STIL: variants seen among roughly 807,000 people sequenced by gnomAD.
STIL encodes SCL-interrupting locus protein.
STIL carries 55 observed loss-of-function variants against 110.1 expected under a neutral mutation model. The ratio of observed to expected loss-of-function variants is 0.50; its 90% CI spans 0.40 to 0.63. The LOEUF (loss-of-function observed/expected upper bound fraction) is 0.63, where lower values mean the gene tolerates loss of function less well. Among genes scored for constraint, STIL ranks in the 20% least tolerant of loss-of-function variants. The pLI is 0.00. For missense variants in STIL, 1,358 were observed against 1,530.0 expected (o/e 0.89, Z 1.87); for synonymous variants, 481 against 530.0 (o/e 0.91, Z 1.27).
chr1:47,291,956 A>C (rs1645502997), intron 8 of STIL, among the ~76,000 whole-genome samples: 1 of 151,906 alleles, frequency 6.6e-6, no homozygotes, highest in South Asian at 2.1e-4. Flanking sequence ...TCCTGGGCTC[A>C]AGCGATCTTC....
chr1:47,314,531 G>A (rs1646232590), upstream of STIL, among the ~76,000 whole-genome samples: 1 of 152,158 alleles, frequency 6.6e-6, no homozygotes, highest in Non-Finnish European at 1.5e-5. Flanking sequence ...GACTGGAAGC[G>A]GACACCCGAA....
intron 14 of STIL, among the ~76,000 whole-genome samples, chr1:47,263,483 C>A (rs1161924328): frequency 1.3e-5 from 2 of 152,192 alleles, no homozygotes; most frequent in Admixed American, 6.5e-5. Flanking sequence ...TTCGAGGCTG[C>A]AGTGAGCTAT....
chr1:47,251,846 C>T lies in STIL; in HGVS notation c.3157G>A (p.Gly1053Ser), dbSNP rs201354921. Residue 1053 changes from glycine (G) to serine (S), a missense_variant, in exon 17 of 17, where the codon GGC (glycine) becomes AGC (serine). Transcript: ENST00000371877. The stretch of plus-strand genomic sequence containing the variant: ...AAATCCACACCATTGGGGCTTAAGC[C>T]GCTCATGCCAACATTAGCAAATGAC... The part of the protein sequence containing the change: ...CMSFANVGMS[G>S]LSPNGVDLSM... The T allele has an allele frequency of 9.7e-5, 156 of 1,607,482 alleles. No homozygotes were observed. Among genetic ancestry groups the T allele is most frequent in the South Asian group, 1.7e-4 (15 of 89,668 alleles).
At chr1:47,261,345 G>A (rs1314869988) in intron 15 of STIL, among the ~76,000 whole-genome samples, 1 of 151,588 alleles carries the variant, frequency 6.6e-6, no homozygotes, top group African/African-American at 2.4e-5. Flanking sequence ...CTGAGATGGC[G>A]CCACTGTACT....
intron 6 of STIL, among the ~76,000 whole-genome samples, chr1:47,297,333 G>C (rs1041967514): frequency 1.5e-5 from 2 of 130,610 alleles, no homozygotes; most frequent in African/African-American, 5.2e-5. Context: ...AACAGAGCAA[G>C]ACTCCATCTC....
chr1:47,277,183 G>C (rs1254636523), intron 12 of STIL, among the ~76,000 whole-genome samples: 1 of 152,204 alleles, frequency 6.6e-6, no homozygotes, highest in Middle Eastern at 3.4e-3. Context: ...GGTCCAAGGA[G>C]GAATATTTCA....
Position 47,260,246 on chromosome 1 carries a change from A to C in STIL, c.3080+43T>G, listed in dbSNP as rs1047487640. On this transcript the variant is annotated intron_variant, in intron 16 of 16. Coordinates refer to ENST00000371877, the MANE Select transcript of STIL (RefSeq NM_001048166.1). ...CAAAAATAAATAAAAATTTTTAAAA[A>C]ATAAAATTTATTCACTCTTTAAAAC... is the stretch of plus-strand genomic sequence containing the variant. The C allele has an allele frequency of 2.6e-6, 4 of 1,543,328 alleles. No homozygotes were observed. The African/African-American group carries it at 5.6e-5, about 22-fold the overall frequency.
intron 3 of STIL, among the ~76,000 whole-genome samples, chr1:47,303,805 T>C (rs12032890): frequency 0.065 from 9,884 of 152,270 alleles, 569 homozygotes; most frequent in East Asian, 0.3. Flanking sequence ...TTCTTTCTTG[T>C]ATCTTTCCTT....
At chr1:47,305,395 G>C (rs768268862) in intron 2 of STIL, 23 of 186,956 alleles carry the variant, frequency 1.2e-4, no homozygotes, top group Middle Eastern at 2.5e-3. Context: ...AAAGTGCTAG[G>C]ATTACAGGCA....
intron 3 of STIL, among the ~76,000 whole-genome samples, chr1:47,303,231 G>C (rs1308037900): frequency 6.6e-6 from 1 of 152,132 alleles, no homozygotes; most frequent in African/African-American, 2.4e-5. Flanking sequence ...TATACTATAA[G>C]TATCCTCTCA....
chr1:47,311,642 A>C (rs1192347859), intron 1 of STIL, among the ~76,000 whole-genome samples: 1 of 152,182 alleles, frequency 6.6e-6, no homozygotes. Flanking sequence ...AGTATTATTG[A>C]AGCTAAACAC....
chr1:47,268,596 A>G (rs1045096767), intron 14 of STIL, among the ~76,000 whole-genome samples: 2 of 152,028 alleles, frequency 1.3e-5, no homozygotes, highest in African/African-American at 4.8e-5. Flanking sequence ...CTCTAAAAAA[A>G]ATACAAACAA....
chr1:47,309,100 C>G (rs548244341), intron 2 of STIL, among the ~76,000 whole-genome samples: 1 of 151,846 alleles, frequency 6.6e-6, no homozygotes, highest in Non-Finnish European at 1.5e-5. Flanking sequence ...GTTGGATTGT[C>G]TCTAACACAA....
chr1:47,278,635 A>G (rs1042654126), intron 12 of STIL, among the ~76,000 whole-genome samples: 1 of 152,040 alleles, frequency 6.6e-6, no homozygotes, highest in Non-Finnish European at 1.5e-5. Flanking sequence ...GTATATTCAA[A>G]TTTTTGCTAA....
intron 13 of STIL, among the ~76,000 whole-genome samples, chr1:47,270,108 G>A (rs1644775696): frequency 6.6e-6 from 1 of 151,656 alleles, no homozygotes; most frequent in Non-Finnish European, 1.5e-5. Flanking sequence ...AGGTGTGGTG[G>A]TGTGCCTGTA....
chr1:47,299,668 C>A, intron 6 of STIL: 1 of 439,642 alleles, frequency 2.3e-6, no homozygotes, highest in East Asian at 4.8e-5. Flanking sequence ...ACTGGGATTA[C>A]AGGTGTGAGC....
At chr1:47,300,446 A>G (rs1645770763) in intron 5 of STIL, among the ~76,000 whole-genome samples, 1 of 151,262 alleles carries the variant, frequency 6.6e-6, no homozygotes, top group African/African-American at 2.4e-5. Context: ...AATATTTACC[A>G]CATGGGAAAA....
chr1:47,282,202 A>G (rs955765898), intron 11 of STIL, 143 bp downstream of exon 11: 28 of 612,612 alleles, frequency 4.6e-5, no homozygotes, highest in Non-Finnish European at 5.8e-6. Flanking sequence ...ATCTCTATAT[A>G]TAGATATAAC....
intron 14 of STIL, 37 bp from the exon 15 acceptor site, chr1:47,263,153 C>G: frequency 6.4e-7 from 1 of 1,567,302 alleles, no homozygotes; most frequent in Non-Finnish European, 8.8e-7. Context: ...CATTGAGGTA[C>G]CTTTAACATA....
Sources: allele counts gnomAD v4.1 joint callset (sites outside exome capture counted in the v4.1 genomes callset), GRCh38; gene constraint gnomAD v4.1.1; transcripts MANE v1.5; gene names NCBI Gene and HGNC (gene_info 2026-07-23, HGNC 2026-07-21).